The following TNFSF4 variants were observed in gnomAD, a reference collection of about 807,000 sequenced individuals.
The protein encoded by TNFSF4 is TNF superfamily member 4, also known as tumor necrosis factor ligand superfamily member 4.
A neutral mutation model predicts 7.3 loss-of-function variants in TNFSF4; 4 were observed. The ratio of observed to expected loss-of-function variants is 0.55; its 90% CI spans 0.27 to 1.25. TNFSF4 has a LOEUF of 1.25. Among genes scored for constraint, TNFSF4 ranks in the 50% most tolerant of loss-of-function variants. The probability of loss-of-function intolerance (pLI) is 0.12; values close to 1 mark genes in which losing one functional copy is unlikely to be tolerated. For synonymous variants in TNFSF4, 76 were observed against 83.7 expected, an observed-to-expected ratio of 0.91 and a Z score of 0.50; for missense variants, 181 against 208.8, an observed-to-expected ratio of 0.87 and a Z score of 0.82.
chr1:173,444,166 A>G, the TNFSF4 span, among the ~76,000 whole-genome samples: 1 of 152,142 alleles, frequency 6.6e-6, no homozygotes, highest in South Asian at 2.1e-4. Flanking sequence ...CAACCTTTGC[A>G]TACCAACACC....
chr1:173,436,861 C>T, the TNFSF4 span, among the ~76,000 whole-genome samples: 240 of 152,280 alleles, frequency 1.6e-3, no homozygotes, highest in African/African-American at 5.6e-3. Flanking sequence ...ACTTTGTCAA[C>T]TTGATAGGGA....
At chr1:173,308,759 C>T in the TNFSF4 span, among the ~76,000 whole-genome samples, 65 of 152,090 alleles carry the variant, frequency 4.3e-4, no homozygotes, top group African/African-American at 1.4e-3. Flanking sequence ...AAGGAATTAT[C>T]TGAAGGCTAG....
chr1:173,333,482 A>G, the TNFSF4 span, among the ~76,000 whole-genome samples: 1 of 152,088 alleles, frequency 6.6e-6, no homozygotes, highest in Non-Finnish European at 1.5e-5. Flanking sequence ...CTAGCCCATA[A>G]TGTGATGGTC....
chr1:173,360,970 T>C, the TNFSF4 span, among the ~76,000 whole-genome samples: 2 of 151,894 alleles, frequency 1.3e-5, no homozygotes, highest in Non-Finnish European at 1.5e-5. Flanking sequence ...GCAGAGAAAG[T>C]GAAGGGGCTA....
the TNFSF4 span, among the ~76,000 whole-genome samples, chr1:173,244,247 T>C: frequency 1.3e-5 from 2 of 152,182 alleles, no homozygotes; most frequent in African/African-American, 4.8e-5. Flanking sequence ...ATGTCTGGTA[T>C]GACATGGTAG....
At chr1:173,359,802 A>G in the TNFSF4 span, among the ~76,000 whole-genome samples, 1 of 152,310 alleles carries the variant, frequency 6.6e-6, no homozygotes, top group Admixed American at 6.5e-5. Context: ...AGAGAAAGTG[A>G]TGTTATTTGT....
At chr1:173,178,357 C>T in the TNFSF4 span, among the ~76,000 whole-genome samples, 4 of 152,102 alleles carry the variant, frequency 2.6e-5, no homozygotes, top group Non-Finnish European at 4.4e-5. Flanking sequence ...AGGCGGATCA[C>T]GAGGTTAGGA....
chr1:173,299,502 C>T, the TNFSF4 span, among the ~76,000 whole-genome samples: 3 of 151,896 alleles, frequency 2.0e-5, no homozygotes, highest in Non-Finnish European at 4.4e-5. Context: ...CTACTTCTTT[C>T]CTTCTCCCAC....
At chr1:173,435,075 A>C in the TNFSF4 span, among the ~76,000 whole-genome samples, 1 of 152,200 alleles carries the variant, frequency 6.6e-6, no homozygotes, top group Non-Finnish European at 1.5e-5. Context: ...TGCAACTCTC[A>C]GCTTCGTGGT....
At chr1:173,413,299 G>T in the TNFSF4 span, among the ~76,000 whole-genome samples, 1 of 152,208 alleles carries the variant, frequency 6.6e-6, no homozygotes, top group Non-Finnish European at 1.5e-5. Flanking sequence ...TCACTCCTGT[G>T]AGTGAAGCTG....
At chr1:173,421,232 CATAA>C in the TNFSF4 span, among the ~76,000 whole-genome samples, 1 of 152,036 alleles carries the variant, frequency 6.6e-6, no homozygotes, top group Non-Finnish European at 1.5e-5. Flanking sequence ...TTGCATGGGA[CATAA>C]ATATTTTATG....
the TNFSF4 span, among the ~76,000 whole-genome samples, chr1:173,389,509 T>C: frequency 6.6e-6 from 1 of 152,030 alleles, no homozygotes; most frequent in African/African-American, 2.4e-5. Context: ...TATATGAGAG[T>C]TGCAGTGAAG....
chr1:173,274,799 T>A, the TNFSF4 span, among the ~76,000 whole-genome samples: 1 of 152,262 alleles, frequency 6.6e-6, no homozygotes, highest in Non-Finnish European at 1.5e-5. Context: ...AAATGTTAAA[T>A]ATGTTTTTAA....
the TNFSF4 span, among the ~76,000 whole-genome samples, chr1:173,404,653 G>A: frequency 7.0e-6 from 1 of 141,902 alleles, no homozygotes; most frequent in Non-Finnish European, 1.5e-5. Flanking sequence ...TTTTTTTTAA[G>A]ACGGAGACTT....
chr1:173,245,298 ATATT>A, the TNFSF4 span, among the ~76,000 whole-genome samples: 2 of 152,124 alleles, frequency 1.3e-5, no homozygotes, highest in Non-Finnish European at 2.9e-5. Flanking sequence ...TGCTGATACT[ATATT>A]TATTATTTTT....
At chr1:173,338,904 T>A in the TNFSF4 span, among the ~76,000 whole-genome samples, 1 of 152,160 alleles carries the variant, frequency 6.6e-6, no homozygotes, top group Non-Finnish European at 1.5e-5. Flanking sequence ...TAAACCTGGC[T>A]ACCAAAAGGA....
chr1:173,248,215 G>A, the TNFSF4 span, among the ~76,000 whole-genome samples: 1 of 151,978 alleles, frequency 6.6e-6, no homozygotes, highest in Non-Finnish European at 1.5e-5. Context: ...AAATTAGCTG[G>A]GCCTGGTGGC....
downstream of TNFSF4, among the ~76,000 whole-genome samples, chr1:173,181,023 AT>A (rs1293199071): frequency 9.2e-5 from 14 of 152,180 alleles, no homozygotes; most frequent in Middle Eastern, 3.2e-3. Context: ...AGTAAGTGAG[AT>A]TTTCATAAAT....
the TNFSF4 span, among the ~76,000 whole-genome samples, chr1:173,356,199 GA>G: frequency 6.6e-6 from 1 of 152,192 alleles, no homozygotes; most frequent in South Asian, 2.1e-4. Context: ...CCTATTCCAG[GA>G]CACCAGACAT....
Sources: gnomAD v4.1 joint callset for allele counts (sites outside exome capture counted in the v4.1 genomes callset) on GRCh38, gnomAD v4.1.1 for gene constraint, MANE v1.5 for transcripts, NCBI Gene and HGNC (gene_info 2026-07-23, HGNC 2026-07-21) for gene names.